The following ADGRD1 variants were observed in gnomAD, a reference collection of about 807,000 sequenced individuals.
ADGRD1 encodes adhesion G protein-coupled receptor D1.
In ADGRD1, 77 loss-of-function variants were observed where a neutral mutation model predicts 113.4. That is an observed-to-expected ratio of 0.68 (90% confidence interval 0.57 to 0.82). The LOEUF (loss-of-function observed/expected upper bound fraction) is 0.82. Ranked by LOEUF, ADGRD1 falls within the 40% of genes least tolerant of loss-of-function variation. The probability of loss-of-function intolerance (pLI) is 0.00; values close to 1 mark genes in which losing one functional copy is unlikely to be tolerated. For synonymous variants in ADGRD1, 474 were observed against 475.0 expected, an observed-to-expected ratio of 1.00 and a Z score of 0.03; for missense variants, 1,036 against 1,139.1, an observed-to-expected ratio of 0.91 and a Z score of 1.30.
intron 18 of ADGRD1, among the ~76,000 whole-genome samples, chr12:131,111,063 C>G (rs1179538667): frequency 2.0e-5 from 3 of 151,156 alleles, no homozygotes; most frequent in Non-Finnish European, 4.4e-5. Context: ...CATTTTAACT[C>G]TGATGTGTCT....
intron 13 of ADGRD1, among the ~76,000 whole-genome samples, chr12:131,053,797 A>G (rs1839582898): frequency 6.6e-6 from 1 of 152,184 alleles, no homozygotes; most frequent in African/African-American, 2.4e-5. Context: ...ACATGGTGAG[A>G]AACACTTCAG....
chr12:131,055,723 A>G (rs1323309639), intron 13 of ADGRD1, among the ~76,000 whole-genome samples: 1 of 152,232 alleles, frequency 6.6e-6, no homozygotes, highest in Admixed American at 6.5e-5. Flanking sequence ...GAGACAAAGC[A>G]GACGAACAGA....
intron 15 of ADGRD1, among the ~76,000 whole-genome samples, chr12:131,085,985 G>A (rs1234107550): frequency 6.6e-6 from 1 of 152,178 alleles, no homozygotes; most frequent in African/African-American, 2.4e-5. Flanking sequence ...GCTTTGGGAG[G>A]AGTCAGGATG....
At chr12:131,036,800 C>G (rs1302173670) in intron 13 of ADGRD1, among the ~76,000 whole-genome samples, 1 of 146,176 alleles carries the variant, frequency 6.8e-6, no homozygotes, top group Non-Finnish European at 1.5e-5. Flanking sequence ...GGCACTGGGT[C>G]TCACTCACTG....
intron 12 of ADGRD1, among the ~76,000 whole-genome samples, chr12:131,009,773 G>A (rs558822128): frequency 6.6e-6 from 1 of 152,336 alleles, no homozygotes; most frequent in South Asian, 2.1e-4. Flanking sequence ...GTGCATTTGT[G>A]TGTTGTATGT....
chr12:131,077,272 G>A (rs1885701654), intron 14 of ADGRD1, among the ~76,000 whole-genome samples: 6 of 152,146 alleles, frequency 3.9e-5, no homozygotes, highest in Admixed American at 3.9e-4. Flanking sequence ...GACTAGCCAC[G>A]TTGGCATTTT....
At position 131,084,779 on chromosome 12, in the gene ADGRD1, T is replaced by A; in HGVS notation, c.1671+116T>A. ...CACGGGCCCTGGGCACATTACTCCATGGGGCCTGTGTTTACAGACGGAATC... is the reference window on the plus strand; with the variant it reads ...CACGGGCCCTGGGCACATTACTCCAAGGGGCCTGTGTTTACAGACGGAATC... On this transcript the variant is annotated intron_variant, in intron 15 of 24. Coordinates refer to ENST00000261654, the MANE Select transcript of ADGRD1 (RefSeq NM_198827.5). This position sits in a 1 kb window ranked among gnomAD's most constrained non-coding sequence, Gnocchi z 4.5. 15 of 1,094,296 alleles carry A rather than the reference T, an allele frequency of 1.4e-5. No homozygotes were observed. Among genetic ancestry groups the A allele is most frequent in the Non-Finnish European group, 2.0e-5 (15 of 748,680 alleles). The allele number at this position is 1,094,296 out of a possible 1,614,324, so 67.8% of individuals were successfully genotyped here. A position where few individuals can be genotyped will look rare whatever the true frequency, so the allele number is the denominator to read the frequency against.
chr12:131,073,058 C>T (rs1378296110), intron 13 of ADGRD1, among the ~76,000 whole-genome samples: 1 of 152,236 alleles, frequency 6.6e-6, no homozygotes, highest in Non-Finnish European at 1.5e-5. Context: ...CTAACCTTTC[C>T]TTCTCAGCAC....
Position 131,124,301 on chromosome 12 carries a change from A to G in ADGRD1, c.2175+3388A>G, listed in dbSNP as rs541576734. On this transcript the variant is annotated intron_variant, in intron 20 of 24. Coordinates refer to ENST00000261654, the MANE Select transcript of ADGRD1 (RefSeq NM_198827.5). Reference sequence around the variant, plus strand: ...AAAAAGTTAAAAGCTCTATATGGGTACACACCCACATGTGAACATATAACT... The same window carrying G: ...AAAAAGTTAAAAGCTCTATATGGGTGCACACCCACATGTGAACATATAACT... Among the ~76,000 whole-genome samples, 551 of 152,370 alleles carry G rather than the reference A, an allele frequency of 3.6e-3. 2 individuals carry two copies. Among genetic ancestry groups the G allele is most frequent in the Non-Finnish European group, 5.8e-3 (392 of 68,042 alleles).
intron 5 of ADGRD1, among the ~76,000 whole-genome samples, chr12:130,983,137 C>T (rs927637423): frequency 5.9e-5 from 9 of 152,174 alleles, no homozygotes; most frequent in African/African-American, 2.2e-4. Context: ...CCCTATGCCT[C>T]AGTTTCCTCA....
intron 23 of ADGRD1, 69 bp downstream of exon 23, chr12:131,137,083 C>T: frequency 1.6e-6 from 2 of 1,231,632 alleles, no homozygotes; most frequent in Admixed American, 1.7e-5. Flanking sequence ...GTCACAGGAG[C>T]AGGAACAGCG....
rs758546883 is a variant in ADGRD1, at chr12:130,987,105, G to A, written c.501G>A (p.Trp167Ter). 2 of 1,613,858 alleles carry A rather than the reference G, an allele frequency of 1.2e-6. No individual in the cohort carries two copies. Among genetic ancestry groups the A allele is most frequent in the African/African-American group, 1.3e-5 (1 of 75,028 alleles). Residue 167 changes from tryptophan to a stop codon, truncating the protein, a stop_gained, in exon 6 of 25, where the codon TGG (tryptophan) becomes TGA (stop). Coordinates refer to ENST00000261654, the MANE Select transcript of ADGRD1 (RefSeq NM_198827.5). LOFTEE classifies it high-confidence loss of function. ...EASFSPPGPY[W>*]THVLFTWKSK... ...TTCACTCTTTTCCAGGCCCCTATTG[G>A]ACTCATGTCCTATTTACATGGAAAT...
intron 13 of ADGRD1, chr12:131,023,651 C>T: frequency 6.6e-6 from 1 of 152,200 alleles, no homozygotes; most frequent in South Asian, 2.1e-4. Flanking sequence ...TGCGCAGAGC[C>T]CCACTGTGTG....
intron 18 of ADGRD1, among the ~76,000 whole-genome samples, chr12:131,110,120 A>ATGT (rs1950318041): frequency 8.6e-6 from 1 of 116,714 alleles, no homozygotes; most frequent in Non-Finnish European, 1.9e-5. Context: ...CTGTAAACAG[A>ATGT]ATACAACTGG....
At chr12:131,133,571 A>C (rs1950992334) in intron 21 of ADGRD1, among the ~76,000 whole-genome samples, 1 of 152,216 alleles carries the variant, frequency 6.6e-6, no homozygotes, top group Non-Finnish European at 1.5e-5. Context: ...TGCACCTGGC[A>C]GCCCAGGGAT....
At position 131,084,757 on chromosome 12, in the gene ADGRD1, G is replaced by A. The variant is rs1439969495; in HGVS notation, c.1671+94G>A. 11 of 1,356,000 alleles carry A rather than the reference G, an allele frequency of 8.1e-6. No individual in the cohort carries two copies. Among genetic ancestry groups the A allele is most frequent in the African/African-American group, 5.8e-5 (4 of 69,350 alleles). 84.0% of individuals were successfully genotyped at this position (1,356,000 alleles called of 1,614,324 possible). A position where few individuals can be genotyped will look rare whatever the true frequency, so the allele number is the denominator to read the frequency against. ...GGATGCTTTGCCCGCCAGTGCCCAC[G>A]GGCCCTGGGCACATTACTCCATGGG... On this transcript the variant is annotated intron_variant, in intron 15 of 24. Transcript: ENST00000261654. The surrounding 1 kb of genome is among the most constrained non-coding windows in gnomAD (Gnocchi z 4.5).
At chr12:131,009,759 G>C (rs150393235) in intron 12 of ADGRD1, among the ~76,000 whole-genome samples, 1 of 152,198 alleles carries the variant, frequency 6.6e-6, no homozygotes, top group Non-Finnish European at 1.5e-5. Context: ...GCAAATGCGC[G>C]TGTGTGCATT....
At chr12:130,983,107 C>T (rs1873218273) in intron 5 of ADGRD1, among the ~76,000 whole-genome samples, 1 of 152,190 alleles carries the variant, frequency 6.6e-6, no homozygotes, top group Admixed American at 6.5e-5. Context: ...TTGTGTGAAC[C>T]TGGGCACCTT....
intron 13 of ADGRD1, among the ~76,000 whole-genome samples, chr12:131,062,829 C>A (rs748779258): frequency 6.6e-6 from 1 of 152,122 alleles, no homozygotes; most frequent in Non-Finnish European, 1.5e-5. Flanking sequence ...AAAAAAAAAT[C>A]TTCCAAACTA....
Sources: allele counts gnomAD v4.1 joint callset (sites outside exome capture counted in the v4.1 genomes callset), GRCh38; gene constraint gnomAD v4.1.1; non-coding constraint Gnocchi (gnomAD v3.1); transcripts MANE v1.5; gene names NCBI Gene and HGNC (gene_info 2026-07-23, HGNC 2026-07-21).